The following ZNF367 variants were observed in gnomAD, a reference collection of about 807,000 sequenced individuals.
ZNF367 encodes C2H2 zinc finger protein ZFF29.
In ZNF367, 11 loss-of-function variants were observed where a neutral mutation model predicts 31.8. The observed-to-expected ratio is 0.35, with a 90% CI of 0.22 to 0.57. The LOEUF is 0.57. ZNF367 is among the 20% of genes least tolerant of loss of function. The pLI, the probability that ZNF367 is intolerant of heterozygous loss-of-function variation, is 0.85. For synonymous variants in ZNF367, 199 were observed against 202.4 expected, an observed-to-expected ratio of 0.98 and a Z score of 0.14; for missense variants, 353 against 484.1, an observed-to-expected ratio of 0.73 and a Z score of 2.54.
At chr9:96,415,528 C>T (rs1205295010) in intron 1 of ZNF367, among the ~76,000 whole-genome samples, 2 of 90,678 alleles carry the variant, frequency 2.2e-5, no homozygotes, top group Non-Finnish European at 4.0e-5. Flanking sequence ...GACGGAGTCT[C>T]ACTCTGTCCC....
At chr9:96,404,193 G>A (rs530040540) in intron 1 of ZNF367, among the ~76,000 whole-genome samples, 2 of 152,126 alleles carry the variant, frequency 1.3e-5, no homozygotes, top group South Asian at 4.2e-4. Context: ...GGGCGCGGTG[G>A]CTCACGCCTG....
chr9:96,406,860 G>A (rs1250416220), intron 1 of ZNF367, among the ~76,000 whole-genome samples: 5 of 151,600 alleles, frequency 3.3e-5, no homozygotes, highest in Admixed American at 3.3e-4. Context: ...AAATTAGCTG[G>A]GCGCGGTGGG....
At chr9:96,413,884 C>T (rs779986891) in intron 1 of ZNF367, among the ~76,000 whole-genome samples, 13 of 152,258 alleles carry the variant, frequency 8.5e-5, no homozygotes, top group South Asian at 2.1e-4. Context: ...AGTAAATGAA[C>T]GCAAATATTG....
At chr9:96,415,465 T>C (rs145581981) in intron 1 of ZNF367, among the ~76,000 whole-genome samples, 1 of 145,728 alleles carries the variant, frequency 6.9e-6, no homozygotes, top group Non-Finnish European at 1.5e-5. Flanking sequence ...AACGCTTCTA[T>C]CGTTAGTTTC....
At chr9:96,405,555 G>T (rs963204599) in intron 1 of ZNF367, among the ~76,000 whole-genome samples, 1 of 151,786 alleles carries the variant, frequency 6.6e-6, no homozygotes, top group African/African-American at 2.4e-5. Flanking sequence ...GTTTTGTATC[G>T]ATATCATATA....
In ZNF367 at chr9:96,417,586, G is replaced by A. The variant is rs2131086191; in HGVS notation, c.420+27C>T. The A allele has an allele frequency of 2.5e-6, 1 of 393,236 alleles. No individual in the cohort carries two copies. The highest frequency in any genetic ancestry group is 4.1e-6 in the Non-Finnish European group (1 of 243,458). 24.4% of individuals were successfully genotyped at this position (393,236 alleles called of 1,614,324 possible). The stretch of plus-strand genomic sequence containing the variant: ...ACGGGCCCCGGCTGCCCCACGTCCC[G>A]CCCGCCCGCCCGCCCGCGCCGCTCA... On this transcript the variant is annotated intron_variant, in intron 1 of 4. Transcript: ENST00000375256. This position sits in a 1 kb window ranked among gnomAD's most constrained non-coding sequence, Gnocchi z 5.0.
chr9:96,396,499 C>G (rs1267727001), intron 2 of ZNF367, among the ~76,000 whole-genome samples: 1 of 151,566 alleles, frequency 6.6e-6, no homozygotes, highest in Non-Finnish European at 1.5e-5. Flanking sequence ...TTTTCAAAAA[C>G]CACAAGTTAA....
intron 2 of ZNF367, among the ~76,000 whole-genome samples, chr9:96,395,455 T>C (rs1831520555): frequency 6.6e-6 from 1 of 152,170 alleles, no homozygotes; most frequent in African/African-American, 2.4e-5. Context: ...AAAAATTATC[T>C]GCTGACTTAA....
intron 4 of ZNF367, among the ~76,000 whole-genome samples, chr9:96,391,235 C>G (rs868863053): frequency 2.0e-4 from 31 of 152,212 alleles, no homozygotes; most frequent in African/African-American, 7.5e-4. Flanking sequence ...ATATCCCTGC[C>G]CGGGGAAGCT....
intron 1 of ZNF367, among the ~76,000 whole-genome samples, chr9:96,411,931 G>A (rs180968104): frequency 3.9e-5 from 6 of 152,096 alleles, no homozygotes; most frequent in Admixed American, 2.0e-4. Flanking sequence ...GGGTTCATGC[G>A]ATTCTCCTGC....
intron 1 of ZNF367, among the ~76,000 whole-genome samples, chr9:96,402,293 G>A (rs1193315192): frequency 6.6e-6 from 1 of 151,848 alleles, no homozygotes; most frequent in Non-Finnish European, 1.5e-5. Flanking sequence ...AAAGAAGAAA[G>A]AACTGTGAAA....
chr9:96,396,771 G>A (rs941789783), intron 2 of ZNF367, among the ~76,000 whole-genome samples: 24 of 152,040 alleles, frequency 1.6e-4, no homozygotes, highest in African/African-American at 5.5e-4. Context: ...GGGTTCAAGT[G>A]ATTCTCCTGC....
chr9:96,394,831 G>T lies in ZNF367; in HGVS notation c.683C>A (p.Ser228Ter). The change falls in exon 3 of 5, where the codon TCA (serine) becomes TAA (stop). Residue 228 changes from serine (S) to a stop codon, truncating the protein, a stop_gained. Transcript: ENST00000375256. LOFTEE classifies it high-confidence loss of function. ...AACTTCTAACACCGTACCATTTTCT[G>T]AACAAACAAAAGGTTTCTCTCCGGT... ...LHTGEKPFVC[S>*]ENGCLSRFTH... 6.2e-7 allele frequency: 1 copy of T among 1,613,776 alleles called. No individual in the cohort carries two copies. The highest frequency in any genetic ancestry group is 1.1e-5 in the South Asian group (1 of 91,008).
Position 96,387,553 on chromosome 9 carries a change from CT to C in ZNF367, c.*683del, listed in dbSNP as rs1262421764. The C allele has an allele frequency of 3.3e-5, 5 of 152,172 alleles. No homozygotes were observed. Among genetic ancestry groups the C allele is most frequent in the African/African-American group, 1.2e-4 (5 of 41,450 alleles). 9.4% of individuals were successfully genotyped at this position (152,172 alleles called of 1,614,324 possible). A position where few individuals can be genotyped will look rare whatever the true frequency, so the allele number is the denominator to read the frequency against. On this transcript the variant is annotated 3_prime_UTR_variant, in exon 5 of 5. Transcript: ENST00000375256. ...GTTAACATGCTAGGGATGACAAGTGCTTTTCAAACTTAAACATTATACTGAG... is the reference window on the plus strand; with the variant it reads ...GTTAACATGCTAGGGATGACAAGTGCTTTCAAACTTAAACATTATACTGAG...
At chr9:96,401,902 G>A (rs748457476) in intron 1 of ZNF367, among the ~76,000 whole-genome samples, 9 of 151,978 alleles carry the variant, frequency 5.9e-5, no homozygotes, top group Non-Finnish European at 1.2e-4. Flanking sequence ...AGGAGGCTGA[G>A]GCAGGAGGAT....
At chr9:96,408,446 A>T (rs895118009) in intron 1 of ZNF367, among the ~76,000 whole-genome samples, 4 of 152,230 alleles carry the variant, frequency 2.6e-5, no homozygotes, top group Non-Finnish European at 5.9e-5. Flanking sequence ...CTCAGCCTTC[A>T]GAAAGATGGA....
intron 4 of ZNF367, among the ~76,000 whole-genome samples, chr9:96,390,884 G>GAAA (rs34868065): frequency 3.4e-4 from 19 of 56,584 alleles, no homozygotes; most frequent in South Asian, 6.9e-4. Flanking sequence ...ACCCTGTCTC[G>GAAA]AAAAAAAAAA....
At chr9:96,396,306 G>GA (rs1473598426) in intron 2 of ZNF367, among the ~76,000 whole-genome samples, 2 of 151,894 alleles carry the variant, frequency 1.3e-5, no homozygotes, top group Non-Finnish European at 2.9e-5. Flanking sequence ...TATTTAGATT[G>GA]AAAAAAATAT....
At chr9:96,395,653 T>C (rs1831522168) in intron 2 of ZNF367, among the ~76,000 whole-genome samples, 1 of 152,198 alleles carries the variant, frequency 6.6e-6, no homozygotes, top group Non-Finnish European at 1.5e-5. Flanking sequence ...TCCTGTAGGC[T>C]CTCAGTGAGA....
Sources: gnomAD v4.1 joint callset for allele counts (sites outside exome capture counted in the v4.1 genomes callset) on GRCh38, gnomAD v4.1.1 for gene constraint, Gnocchi (gnomAD v3.1) non-coding constraint, MANE v1.5 for transcripts, NCBI Gene and HGNC (gene_info 2026-07-23, HGNC 2026-07-21) for gene names.